The following MYCBP2 variants were observed in gnomAD, a reference collection of about 807,000 sequenced individuals.
MYCBP2 encodes the protein MYC binding protein 2, also known as E3 ubiquitin-protein ligase MYCBP2.
Under a neutral mutation model 525.3 loss-of-function variants are expected in MYCBP2, and 120 were observed. The ratio of observed to expected loss-of-function variants is 0.23; its 90% CI spans 0.20 to 0.27. The LOEUF (loss-of-function observed/expected upper bound fraction) is 0.27, where lower values mean the gene tolerates loss of function less well. Ranked by LOEUF, MYCBP2 falls within the 10% of genes least tolerant of loss-of-function variation. The pLI, the probability that MYCBP2 is intolerant of heterozygous loss-of-function variation, is 1.00. For synonymous variants in MYCBP2, 1,894 were observed against 1,955.8 expected, an observed-to-expected ratio of 0.97 and a Z score of 0.83; for missense variants, 4,149 against 5,657.1, an observed-to-expected ratio of 0.73 and a Z score of 8.55.
chr13:77,191,617 CA>C (rs1157030965), intron 28 of MYCBP2, 61 bp downstream of exon 28: 1 of 1,565,416 alleles, frequency 6.4e-7, no homozygotes, highest in Non-Finnish European at 8.7e-7. Context: ...TCTGAATTTT[CA>C]AAACAATATT....
In MYCBP2 at chr13:77,191,569, T is replaced by C. The variant is rs112368198; in HGVS notation, c.4070+110A>G. 1.5e-5 allele frequency: 19 copies of C among 1,280,336 alleles called. 1 individual carries two copies. Among genetic ancestry groups the C allele is most frequent in the African/African-American group, 1.3e-4 (9 of 66,934 alleles). 79.3% of individuals were successfully genotyped at this position (1,280,336 alleles called of 1,614,324 possible). On this transcript the variant is annotated intron_variant, in intron 28 of 82. Transcript: ENST00000544440. ...TTAATTTTTAGCAGTTATATTATGC[T>C]CTAGTCTTCCTAAGCTTTTGAATCC...
intron 55 of MYCBP2, among the ~76,000 whole-genome samples, chr13:77,117,544 T>C (rs2049992678): frequency 6.6e-6 from 1 of 152,118 alleles, no homozygotes; most frequent in African/African-American, 2.4e-5. Flanking sequence ...TAGACCTAAG[T>C]GTGAATGTAC....
At position 77,191,782 on chromosome 13, in the gene MYCBP2, C is replaced by T. The variant is rs146625544; in HGVS notation, c.3967G>A (p.Val1323Ile). 770 of 1,614,050 alleles carry T rather than the reference C, an allele frequency of 4.8e-4. 1 individual carries two copies. Among genetic ancestry groups the T allele is most frequent in the Non-Finnish European group, 5.8e-4 (687 of 1,179,976 alleles). Residue 1323 changes from valine to isoleucine, a missense_variant, in exon 28 of 83, where the codon GTT becomes ATT. This residue lies in a region of MYCBP2 where 620 missense variants were observed against 795.5 expected (regional missense o/e 0.78). Transcript: ENST00000544440. The part of the protein sequence containing the change: ...EKYAMMFDEP[V>I]LLQAGWWYVA... ...TACCACCACCCAGCTTGCAGGAGAA[C>T]AGGCTCATCAAACATCATTGCATAT... is the stretch of plus-strand genomic sequence containing the variant.
chr13:77,181,973 T>C, intron 32 of MYCBP2, 51 bp from the exon 33 acceptor site: 2 of 1,397,138 alleles, frequency 1.4e-6, no homozygotes, highest in Non-Finnish European at 2.0e-6. Context: ...AGCATCAGTA[T>C]AATCTAAGTT....
At chr13:77,219,528 CAA>C (rs2065260942) in intron 20 of MYCBP2, among the ~76,000 whole-genome samples, 1 of 150,696 alleles carries the variant, frequency 6.6e-6, no homozygotes, top group African/African-American at 2.4e-5. Context: ...ACGCTAAAGA[CAA>C]AGGTTAGAGA....
chr13:77,045,428 C>A lies in MYCBP2; in HGVS notation c.13987G>T (p.Glu4663Ter). 6.2e-7 allele frequency: 1 copy of A among 1,614,136 alleles called. No homozygotes were observed. The highest frequency in any genetic ancestry group is 8.5e-7 in the Non-Finnish European group (1 of 1,180,018). ...ACTCCACATCCCAGAGCAAACTCTT[C>A]CCCAGTGGGTGGATGAACAACATGG... ...PLHVVHPPTG[E>*]EFALGCGVCR... Residue 4663 changes from glutamate (E) to a stop codon, truncating the protein, a stop_gained, in exon 83 of 83, where the codon GAA (glutamate) becomes TAA (stop). Transcript: ENST00000544440. LOFTEE classifies it high-confidence loss of function.
intron 13 of MYCBP2, 93 bp downstream of exon 13, chr13:77,260,335 T>C (rs1407932081): frequency 1.2e-6 from 1 of 835,972 alleles, no homozygotes; most frequent in Admixed American, 3.7e-5. Context: ...AGAGAAAGCA[T>C]GCCACCAACA....
At chr13:77,114,783 T>G (rs908029267) in intron 55 of MYCBP2, among the ~76,000 whole-genome samples, 1 of 152,014 alleles carries the variant, frequency 6.6e-6, no homozygotes. Flanking sequence ...ATAAAAAAAG[T>G]ATTAAAAAGT....
At chr13:77,088,469 C>T (rs925226887) in intron 61 of MYCBP2, among the ~76,000 whole-genome samples, 14 of 152,050 alleles carry the variant, frequency 9.2e-5, no homozygotes. Flanking sequence ...GAAGTTATTA[C>T]TGGTCAACTT....
chr13:77,163,594 T>TATCATACAA (rs1265629467), intron 43 of MYCBP2, among the ~76,000 whole-genome samples: 1 of 152,156 alleles, frequency 6.6e-6, no homozygotes, highest in Non-Finnish European at 1.5e-5. Context: ...TTAATCTATA[T>TATCATACAA]ATCATACAAA....
At chr13:77,299,643 A>G (rs1449560511) in intron 1 of MYCBP2, among the ~76,000 whole-genome samples, 1 of 152,166 alleles carries the variant, frequency 6.6e-6, no homozygotes, top group Non-Finnish European at 1.5e-5. Flanking sequence ...TGAGGATGGG[A>G]ATATAAAAGA....
chr13:77,273,045 C>A (rs1319351571), intron 5 of MYCBP2, among the ~76,000 whole-genome samples: 1 of 152,030 alleles, frequency 6.6e-6, no homozygotes, highest in Non-Finnish European at 1.5e-5. Flanking sequence ...CGAATCAATT[C>A]ATAAAAAAAT....
intron 65 of MYCBP2, among the ~76,000 whole-genome samples, chr13:77,079,875 G>A (rs894685126): frequency 1.3e-5 from 2 of 152,166 alleles, no homozygotes; most frequent in African/African-American, 4.8e-5. Flanking sequence ...CTATAACATA[G>A]AGGAAGCCTG....
chr13:77,166,597 T>C lies in MYCBP2; in HGVS notation c.6115-43A>G, dbSNP rs753552265. The C allele has an allele frequency of 1.5e-5, 19 of 1,263,404 alleles. No homozygotes were observed. In the East Asian group the frequency reaches 3.0e-4, roughly 20 times the overall value. The allele number at this position is 1,263,404 out of a possible 1,614,324, so 78.3% of individuals were successfully genotyped here. On this transcript the variant is annotated intron_variant, in intron 40 of 82. Coordinates refer to ENST00000544440, the MANE Select transcript of MYCBP2 (RefSeq NM_015057.5). The stretch of plus-strand genomic sequence containing the variant: ...AGTGACATGAATACAGATATATATA[T>C]ACACAAACATACACATCTGCATCTG...
chr13:77,045,400 C>T lies in MYCBP2; in HGVS notation c.14015G>A (p.Cys4672Tyr), dbSNP rs745428003. The change falls in exon 83 of 83, where the codon TGC (cysteine) becomes TAC (tyrosine). Residue 4672 changes from cysteine to tyrosine, a missense_variant. Cys to Tyr is a radical substitution (Grantham distance 194, BLOSUM62 -2). Transcript: ENST00000544440. ...GTTCTAAAAAGTGTGGGCATTTCTG[C>T]ACACTCCACATCCCAGAGCAAACTC... ...GEEFALGCGV[C>Y]RNAHTF 1 of 1,613,844 alleles carries T rather than the reference C, an allele frequency of 6.2e-7. No homozygotes were observed. Among genetic ancestry groups the T allele is most frequent in the Non-Finnish European group, 8.5e-7 (1 of 1,179,850 alleles).
Position 77,051,162 on chromosome 13 carries a change from T to C in MYCBP2, c.13756A>G (p.Met4586Val). ...GACSDVSRAQ[M>V]CPKHGTDFLE... The stretch of plus-strand genomic sequence containing the variant: ...AAGTCTGTGCCATGTTTGGGACACA[T>C]CTATAGCAAAAGAGAAGAGACAGAC... The change falls in exon 82 of 83, where the codon ATG becomes GTG. Residue 4586 changes from methionine to valine, a missense_variant and splice_region_variant. Around this residue, in one of 21 missense-constraint regions of MYCBP2, gnomAD observed 45 missense variants for 130.1 expected, o/e 0.35. Coordinates refer to ENST00000544440, the MANE Select transcript of MYCBP2 (RefSeq NM_015057.5). 1.2e-6 allele frequency: 2 copies of C among 1,600,062 alleles called. No individual in the cohort carries two copies. Among genetic ancestry groups the C allele is most frequent in the Non-Finnish European group, 1.7e-6 (2 of 1,175,774 alleles).
At chr13:77,078,726 C>T in intron 66 of MYCBP2, 98 bp downstream of exon 66, 1 of 922,270 alleles carries the variant, frequency 1.1e-6, no homozygotes, top group South Asian at 1.4e-5. Context: ...CCCTATAATA[C>T]TTTGGTTGTG....
chr13:77,161,508 C>T (rs1427295446), intron 44 of MYCBP2, among the ~76,000 whole-genome samples: 1 of 152,212 alleles, frequency 6.6e-6, no homozygotes, highest in Non-Finnish European at 1.5e-5. Context: ...ACCAACCTCA[C>T]CTTTTGCTGC....
chr13:77,143,966 C>T (rs1029902799), intron 49 of MYCBP2, among the ~76,000 whole-genome samples: 3 of 152,214 alleles, frequency 2.0e-5, no homozygotes, highest in Non-Finnish European at 2.9e-5. Flanking sequence ...CTATGAGGTA[C>T]ATGACTGTAT....
Sources: allele counts gnomAD v4.1 joint callset (sites outside exome capture counted in the v4.1 genomes callset), GRCh38; gene constraint gnomAD v4.1.1; regional missense constraint gnomAD v4.1.1; transcripts MANE v1.5; gene names NCBI Gene and HGNC (gene_info 2026-07-23, HGNC 2026-07-21).